FBRSL1: variants seen among roughly 807,000 people sequenced by gnomAD.
FBRSL1 encodes fibrosin-1-like protein.
A neutral mutation model predicts 89.6 loss-of-function variants in FBRSL1; 51 were observed. The observed-to-expected ratio is 0.57, with a 90% CI of 0.45 to 0.72. The LOEUF is 0.72. Ranked by LOEUF, FBRSL1 falls within the 30% of genes least tolerant of loss-of-function variation. The pLI is 0.00. For missense variants in FBRSL1, 1,618 were observed against 1,451.8 expected (o/e 1.11, Z -1.86); for synonymous variants, 779 against 681.1 (o/e 1.14, Z -2.24).
intron 5 of FBRSL1, among the ~76,000 whole-genome samples, chr12:132,556,934 G>A (rs148769775): frequency 3.0e-4 from 45 of 152,132 alleles, no homozygotes; most frequent in Middle Eastern, 6.8e-3. Context: ...CACGTGCCCC[G>A]CGGAGTGGCA....
intron 2 of FBRSL1, among the ~76,000 whole-genome samples, chr12:132,525,174 G>A (rs760098941): frequency 2.0e-5 from 3 of 152,360 alleles, no homozygotes; most frequent in Middle Eastern, 6.8e-3. Context: ...GCCAGGGTCA[G>A]GCAGGTCCCA....
intron 1 of FBRSL1, among the ~76,000 whole-genome samples, chr12:132,501,267 A>G (rs772973341): frequency 5.9e-5 from 9 of 152,320 alleles, no homozygotes; most frequent in Non-Finnish European, 1.2e-4. Flanking sequence ...CAGCTGGACT[A>G]GAATTCCGGG....
At chr12:132,549,817 T>C (rs1180177586) in intron 5 of FBRSL1, among the ~76,000 whole-genome samples, 1 of 152,002 alleles carries the variant, frequency 6.6e-6, no homozygotes, top group Non-Finnish European at 1.5e-5. Context: ...CTGTGCAGGC[T>C]GTGCCTGCAG....
intron 2 of FBRSL1, chr12:132,511,433 C>A: frequency 1.0e-6 from 1 of 985,992 alleles, no homozygotes; most frequent in Non-Finnish European, 1.2e-6. Flanking sequence ...TCAGGTGTTG[C>A]CACCCCCTCA....
chr12:132,490,964 C>G, intron 1 of FBRSL1, 103 bp downstream of exon 1: 2 of 930,768 alleles, frequency 2.1e-6, no homozygotes, highest in Non-Finnish European at 2.6e-6. Context: ...CCGCCCGCGC[C>G]GTGGGCAGCC....
At chr12:132,541,407 G>A (rs1397511409) in intron 4 of FBRSL1, among the ~76,000 whole-genome samples, 1 of 152,016 alleles carries the variant, frequency 6.6e-6, no homozygotes, top group East Asian at 1.9e-4. Flanking sequence ...CCCACGAGGG[G>A]CCAGCAGCCC....
chr12:132,509,180 A>T, intron 2 of FBRSL1: 6 of 1,245,320 alleles, frequency 4.8e-6, no homozygotes, highest in Non-Finnish European at 6.0e-6. Flanking sequence ...GCTCCCCAGA[A>T]GGGGGGCCGC....
At chr12:132,567,724 C>G (rs2137809960) in intron 6 of FBRSL1, among the ~76,000 whole-genome samples, 198 bp downstream of exon 6, 1 of 152,274 alleles carries the variant, frequency 6.6e-6, no homozygotes, top group South Asian at 2.1e-4. Flanking sequence ...CCACTGAGCC[C>G]TAGGCAGGGC....
intron 1 of FBRSL1, among the ~76,000 whole-genome samples, chr12:132,500,074 G>A (rs886193595): frequency 2.0e-5 from 3 of 152,178 alleles, no homozygotes; most frequent in East Asian, 1.9e-4. Context: ...CCCTCTGGCC[G>A]GAATCCGTGG....
rs1372189150 is a variant in FBRSL1, at chr12:132,510,349, C to T, written c.489+1999C>T. ...CGTCAGCCCCGGCTCTCGCTCCTGG[C>T]CCTGGGCCATCCCTGCCGGCCCCTG... is the stretch of plus-strand genomic sequence containing the variant. On this transcript the variant is annotated intron_variant, in intron 2 of 18. Coordinates refer to ENST00000680143, the MANE Select transcript of FBRSL1 (RefSeq NM_001367871.1). 1.1e-5 allele frequency: 13 copies of T among 1,231,464 alleles called. No individual in the cohort carries two copies. The East Asian group carries it at 4.1e-4, about 39-fold the overall frequency. The allele number at this position is 1,231,464 out of a possible 1,614,324, so 76.3% of individuals were successfully genotyped here. A position where few individuals can be genotyped will look rare whatever the true frequency, so the allele number is the denominator to read the frequency against.
chr12:132,553,856 G>A (rs1168968574), intron 5 of FBRSL1: 1 of 152,254 alleles, frequency 6.6e-6, no homozygotes, highest in Non-Finnish European at 1.5e-5. Context: ...TGGAGGTCCA[G>A]GATGGGTCTC....
chr12:132,558,384 G>A (rs1033767795), intron 5 of FBRSL1, among the ~76,000 whole-genome samples: 5 of 152,318 alleles, frequency 3.3e-5, no homozygotes, highest in African/African-American at 1.2e-4. Context: ...ACGAGTGGTG[G>A]CTTATCCAAG....
intron 14 of FBRSL1, among the ~76,000 whole-genome samples, chr12:132,575,682 A>G (rs777407554): frequency 2.0e-5 from 3 of 152,252 alleles, no homozygotes; most frequent in Non-Finnish European, 4.4e-5. Context: ...TGGTTGCTCC[A>G]CAGAGGAGGG....
At chr12:132,519,275 G>A (rs1474127771) in intron 2 of FBRSL1, among the ~76,000 whole-genome samples, 2 of 152,256 alleles carry the variant, frequency 1.3e-5, no homozygotes, top group Non-Finnish European at 2.9e-5. Flanking sequence ...TTAGGGGACT[G>A]TGGGAGCCTG....
At chr12:132,501,687 A>C in intron 1 of FBRSL1, among the ~76,000 whole-genome samples, 1 of 152,132 alleles carries the variant, frequency 6.6e-6, no homozygotes, top group African/African-American at 2.4e-5. Flanking sequence ...TGCAGGGGCC[A>C]GTGAGGGGAG....
chr12:132,572,326 C>G lies in FBRSL1; in HGVS notation c.1416C>G (p.Phe472Leu). The change falls in exon 10 of 19, where the codon TTC becomes TTG. Residue 472 changes from phenylalanine (F) to leucine (L), a missense_variant. By Grantham distance (22) the Phe-to-Leu change is conservative. Coordinates refer to ENST00000680143, the MANE Select transcript of FBRSL1 (RefSeq NM_001367871.1). ...KYAPKLDSPYFRHSSVSFFPS... is the reference protein window; with the variant it reads ...KYAPKLDSPYLRHSSVSFFPS... Reference sequence around the variant, plus strand: ...CGCCCAAGCTGGACAGCCCCTACTTCCGACATTCCAGCGTGAGTGTGAGTG... The same window carrying G: ...CGCCCAAGCTGGACAGCCCCTACTTGCGACATTCCAGCGTGAGTGTGAGTG... 6.4e-7 allele frequency: 1 copy of G among 1,551,210 alleles called. No homozygotes were observed. The highest frequency in any genetic ancestry group is 1.2e-5 in the South Asian group (1 of 84,064).
In FBRSL1 at chr12:132,570,022, C is replaced by T. The variant is rs2039898089; in HGVS notation, c.788C>T (p.Pro263Leu). 3 of 1,513,146 alleles carry T rather than the reference C, an allele frequency of 2.0e-6. No individual in the cohort carries two copies. Among genetic ancestry groups the T allele is most frequent in the African/African-American group, 2.9e-5 (2 of 70,064 alleles). The allele number at this position is 1,513,146 out of a possible 1,614,324, so 93.7% of individuals were successfully genotyped here. A position where few individuals can be genotyped will look rare whatever the true frequency, so the allele number is the denominator to read the frequency against. Reference sequence around the variant, plus strand: ...GAGCTCAGCGCCGAGAGCTTCCTGCCCACTGCCAGCCCCGCGCCCCATGCC... The same window carrying T: ...GAGCTCAGCGCCGAGAGCTTCCTGCTCACTGCCAGCCCCGCGCCCCATGCC... ...SRELSAESFL[P>L]TASPAPHAAP... Residue 263 changes from proline to leucine, a missense_variant, in exon 7 of 19, where the codon CCC becomes CTC. Pro to Leu is a moderately conservative substitution (Grantham distance 98). Transcript: ENST00000680143.
In FBRSL1 at chr12:132,558,644, C is replaced by A. The variant is rs555611958; in HGVS notation, c.646-8837C>A. Reference sequence around the variant, plus strand: ...GTGATTCCTTCTATACCGTTGGAGGCATCCTGCGAACGTTGGCGCCTTTGG... The same window carrying A: ...GTGATTCCTTCTATACCGTTGGAGGAATCCTGCGAACGTTGGCGCCTTTGG... On this transcript the variant is annotated intron_variant, in intron 5 of 18. Transcript: ENST00000680143. Among the ~76,000 whole-genome samples the A allele has an allele frequency of 8.5e-5, 13 of 152,372 alleles. No individual in the cohort carries two copies. The South Asian group carries it at 2.7e-3, about 32-fold the overall frequency.
chr12:132,525,164 G>C (rs2035686124), intron 2 of FBRSL1, among the ~76,000 whole-genome samples: 1 of 152,226 alleles, frequency 6.6e-6, no homozygotes, highest in South Asian at 2.1e-4. Context: ...AGGGCCCATG[G>C]CCAGGGTCAG....
Sources: allele counts gnomAD v4.1 joint callset (sites outside exome capture counted in the v4.1 genomes callset), GRCh38; gene constraint gnomAD v4.1.1; transcripts MANE v1.5; gene names NCBI Gene and HGNC (gene_info 2026-07-23, HGNC 2026-07-21).